Variants in MAP4 observed in about 807,000 individuals in gnomAD.
The protein encoded by MAP4 is microtubule associated protein 4.
MAP4 carries 76 observed loss-of-function variants against 170.2 expected under a neutral mutation model. That is an observed-to-expected ratio of 0.45 (90% CI 0.37 to 0.54). MAP4 has a LOEUF of 0.54. Ranked by LOEUF, MAP4 falls within the 20% of genes least tolerant of loss-of-function variation. MAP4 has a pLI of 0.00. For synonymous variants in MAP4, 909 were observed against 994.5 expected (o/e 0.91, Z 1.62); for missense variants, 2,506 against 2,748.0 (o/e 0.91, Z 1.97).
At chr3:47,972,755 G>A (rs1462083892) in intron 3 of MAP4, among the ~76,000 whole-genome samples, 3 of 152,040 alleles carry the variant, frequency 2.0e-5, no homozygotes, top group African/African-American at 2.4e-5. Context: ...GCGTGGTGGC[G>A]GGCGCCTGTA....
At chr3:47,996,642 C>T (rs1579019197) in intron 2 of MAP4, among the ~76,000 whole-genome samples, 1 of 152,018 alleles carries the variant, frequency 6.6e-6, no homozygotes, top group Non-Finnish European at 1.5e-5. Flanking sequence ...GTTAAAATGA[C>T]TAAACCCAAG....
chr3:48,029,357 A>T (rs1482998896), intron 1 of MAP4, among the ~76,000 whole-genome samples: 1 of 151,860 alleles, frequency 6.6e-6, no homozygotes, highest in Non-Finnish European at 1.5e-5. Context: ...AATGCTTAAA[A>T]CCCAGGAGGC....
chr3:48,043,771 A>G (rs968336024), intron 1 of MAP4, among the ~76,000 whole-genome samples: 1 of 152,228 alleles, frequency 6.6e-6, no homozygotes, highest in African/African-American at 2.4e-5. Context: ...GCAAAACCGT[A>G]AAAGTAAGAA....
intron 3 of MAP4, among the ~76,000 whole-genome samples, chr3:47,965,019 G>A (rs1235476868): frequency 1.3e-5 from 2 of 151,968 alleles, no homozygotes; most frequent in African/African-American, 4.8e-5. Flanking sequence ...TCCATTCCCC[G>A]CCTCTCCCAG....
At chr3:47,867,377 G>A (rs768885401) in intron 16 of MAP4, 39 bp from the exon 17 acceptor site, 32 of 1,389,276 alleles carry the variant, frequency 2.3e-5, no homozygotes, top group South Asian at 1.2e-4. Context: ...CACAAAGGGA[G>A]AGGACTGGTT....
intron 17 of MAP4, among the ~76,000 whole-genome samples, chr3:47,863,117 T>C (rs923838444): frequency 4.6e-5 from 7 of 152,128 alleles, no homozygotes; most frequent in African/African-American, 7.2e-5. Context: ...GCTGGGATTA[T>C]AGGCATGCAC....
chr3:47,951,785 TGAG>T (rs1344373073), intron 3 of MAP4, among the ~76,000 whole-genome samples: 1 of 151,950 alleles, frequency 6.6e-6, no homozygotes, highest in East Asian at 1.9e-4. Context: ...GTCTGGGAAG[TGAG>T]GAGCGTCTCT....
rs1030116032 is a variant in MAP4, at chr3:48,069,081, A to G, written c.-20+19692T>C. Among the ~76,000 whole-genome samples, 8 of 152,232 alleles carry G rather than the reference A, an allele frequency of 5.3e-5. No individual in the cohort carries two copies. The East Asian group carries it at 1.5e-3, about 29-fold the overall frequency. ...GAGATTAAAGTTCAAATTCTGACTCAGCTACAACTTAGTAAATGACCTTAG... is the reference window on the plus strand; with the variant it reads ...GAGATTAAAGTTCAAATTCTGACTCGGCTACAACTTAGTAAATGACCTTAG... On this transcript the variant is annotated intron_variant, in intron 1 of 18. Coordinates refer to the MAP4 transcript ENST00000360240.
chr3:47,865,338 T>C (rs945461866), intron 17 of MAP4, among the ~76,000 whole-genome samples: 13 of 152,180 alleles, frequency 8.5e-5, no homozygotes, highest in African/African-American at 2.7e-4. Context: ...AAAGCCAGGC[T>C]CAGCAGCTGC....
Position 47,891,599 on chromosome 3 carries a change from C to G in MAP4, c.5434+11351G>C, listed in dbSNP as rs866893857. The G allele has an allele frequency of 2.6e-6, 4 of 1,535,476 alleles. No homozygotes were observed. In the East Asian group the frequency reaches 9.8e-5, roughly 38 times the overall value. ...GTGAGAACATTCAGACAGGGCCCTG[C>G]GCACTGCCTTTTTCTGCTGGGGGGC... is the stretch of plus-strand genomic sequence containing the variant. On this transcript the variant is annotated intron_variant, in intron 10 of 20. Coordinates refer to ENST00000683076, the MANE Select transcript of MAP4 (RefSeq NM_001385682.1).
At chr3:47,891,528 G>T (rs1350140777) in intron 10 of MAP4, 1 of 1,519,496 alleles carries the variant, frequency 6.6e-7, no homozygotes, top group Non-Finnish European at 8.8e-7. Flanking sequence ...CGGGCAGGGA[G>T]TTCAGGGTAC....
At chr3:47,898,945 G>T (rs1031786745) in intron 10 of MAP4, among the ~76,000 whole-genome samples, 1 of 152,118 alleles carries the variant, frequency 6.6e-6, no homozygotes, top group Non-Finnish European at 1.5e-5. Context: ...GAGCGACAGA[G>T]ACCTTGTTTA....
At chr3:47,944,418 TTTTAC>T (rs1480668447) in intron 3 of MAP4, among the ~76,000 whole-genome samples, 5 of 152,086 alleles carry the variant, frequency 3.3e-5, no homozygotes, top group Non-Finnish European at 5.9e-5. Flanking sequence ...AAATATAGTA[TTTTAC>T]TTTATAGAAA....
chr3:48,054,405 G>A (rs1222674229), intron 1 of MAP4, among the ~76,000 whole-genome samples: 1 of 151,992 alleles, frequency 6.6e-6, no homozygotes, highest in Non-Finnish European at 1.5e-5. Context: ...GGTGGATCAT[G>A]AGGTCAGAAG....
intron 2 of MAP4, among the ~76,000 whole-genome samples, chr3:47,992,098 A>G (rs919832534): frequency 1.4e-4 from 22 of 152,238 alleles, no homozygotes; most frequent in Admixed American, 5.2e-4. Context: ...GGGCCCTTCC[A>G]TCACTTCTAA....
intron 2 of MAP4, among the ~76,000 whole-genome samples, chr3:47,995,157 G>A (rs2100094651): frequency 6.6e-6 from 1 of 151,764 alleles, no homozygotes; most frequent in African/African-American, 2.4e-5. Flanking sequence ...TTGAATTAAA[G>A]GATAAAAATA....
chr3:47,892,058 A>G, intron 10 of MAP4: 1 of 1,536,014 alleles, frequency 6.5e-7, no homozygotes, highest in South Asian at 1.2e-5. Context: ...CTTCCCCTGA[A>G]CTGGAATGGT....
chr3:48,058,849 G>C (rs1488467136), intron 1 of MAP4, among the ~76,000 whole-genome samples: 1 of 152,032 alleles, frequency 6.6e-6, no homozygotes, highest in South Asian at 2.1e-4. Flanking sequence ...GCACTATCTC[G>C]GCTCACTGCA....
intron 3 of MAP4, among the ~76,000 whole-genome samples, chr3:47,941,899 A>G (rs1259304458): frequency 2.6e-5 from 4 of 152,188 alleles, no homozygotes; most frequent in Admixed American, 6.5e-5. Flanking sequence ...TTAAAATGAG[A>G]TAAGTATTTT....
Sources: gnomAD v4.1 joint callset for allele counts (sites outside exome capture counted in the v4.1 genomes callset) on GRCh38, gnomAD v4.1.1 for gene constraint, MANE v1.5 for transcripts, NCBI Gene and HGNC (gene_info 2026-07-23, HGNC 2026-07-21) for gene names.